Variants in RAB27B observed in about 807,000 individuals in gnomAD.
RAB27B encodes the protein RAB27B, member RAS oncogene family, also known as ras-related protein Rab-27B.
In RAB27B, 15 loss-of-function variants were observed where a neutral mutation model predicts 24.6. That is an observed-to-expected ratio of 0.61 (90% CI 0.41 to 0.94). RAB27B has a LOEUF of 0.94. Ranked by LOEUF, RAB27B falls within the 40% of genes least tolerant of loss-of-function variation. RAB27B has a pLI of 0.00. For synonymous variants in RAB27B, 105 were observed against 92.5 expected, an observed-to-expected ratio of 1.14 and a Z score of -0.78; for missense variants, 261 against 266.8, an observed-to-expected ratio of 0.98 and a Z score of 0.15.
chr18:54,790,607 AAAC>A (rs1909218787), intron 2 of RAB27B, among the ~76,000 whole-genome samples: 1 of 45,198 alleles, frequency 2.2e-5, no homozygotes, highest in African/African-American at 4.6e-5. Context: ...AATTTTCAAT[AAAC>A]AAAAATATTT....
At chr18:54,762,716 A>G (rs540707689) in intron 2 of RAB27B, among the ~76,000 whole-genome samples, 26 of 151,848 alleles carry the variant, frequency 1.7e-4, no homozygotes, top group Non-Finnish European at 3.2e-4. Flanking sequence ...AAAATCACAT[A>G]CCTTCCTCCT....
intron 2 of RAB27B, among the ~76,000 whole-genome samples, chr18:54,810,870 A>G (rs1909940790): frequency 6.6e-6 from 1 of 150,910 alleles, no homozygotes. Flanking sequence ...ATAAATAAAT[A>G]AATAAATAAA....
At chr18:54,839,402 C>A (rs1598947302) in intron 1 of RAB27B, among the ~76,000 whole-genome samples, 2 of 152,124 alleles carry the variant, frequency 1.3e-5, no homozygotes, top group African/African-American at 4.8e-5. Flanking sequence ...TAAATAAACA[C>A]AGCATGGAAA....
intron 2 of RAB27B, among the ~76,000 whole-genome samples, chr18:54,777,916 T>C (rs1449437257): frequency 6.6e-6 from 1 of 152,076 alleles, no homozygotes; most frequent in African/African-American, 2.4e-5. Context: ...AATTTAGCTC[T>C]TACTTTCACT....
chr18:54,880,926 C>T (rs924519282), intron 3 of RAB27B: 2 of 152,000 alleles, frequency 1.3e-5, no homozygotes, highest in African/African-American at 4.8e-5. Flanking sequence ...ACAAGATAAA[C>T]AATGCCTCAC....
chr18:54,818,702 A>G (rs1230198568), intron 2 of RAB27B, among the ~76,000 whole-genome samples: 1 of 152,172 alleles, frequency 6.6e-6, no homozygotes, highest in Non-Finnish European at 1.5e-5. Flanking sequence ...TGCATCTGAG[A>G]AAGCCCCACA....
intron 1 of RAB27B, among the ~76,000 whole-genome samples, chr18:54,860,164 C>A (rs1250976348): frequency 6.6e-6 from 1 of 152,102 alleles, no homozygotes; most frequent in Non-Finnish European, 1.5e-5. Flanking sequence ...CTCTTCAAGG[C>A]AGGGAGCCAG....
chr18:54,817,266 A>G (rs1910150602), intron 2 of RAB27B, among the ~76,000 whole-genome samples: 1 of 152,178 alleles, frequency 6.6e-6, no homozygotes, highest in African/African-American at 2.4e-5. Flanking sequence ...AAAGCCTTCT[A>G]TTTTGAACAT....
At chr18:54,751,070 C>T (rs1335521193) in intron 2 of RAB27B, among the ~76,000 whole-genome samples, 4 of 152,136 alleles carry the variant, frequency 2.6e-5, no homozygotes, top group African/African-American at 7.2e-5. Context: ...ATCCTGCCCT[C>T]GAGAGACACT....
chr18:54,857,387 T>A (rs1398425352), intron 1 of RAB27B, among the ~76,000 whole-genome samples: 2 of 152,212 alleles, frequency 1.3e-5, no homozygotes, highest in Admixed American at 1.3e-4. Context: ...CCTTTAGAGG[T>A]ACAGTAGCTT....
chr18:54,874,233 G>A (rs777646740), intron 1 of RAB27B, among the ~76,000 whole-genome samples: 1 of 152,080 alleles, frequency 6.6e-6, no homozygotes, highest in Admixed American at 6.6e-5. Context: ...TCCCCTCCAC[G>A]CTATAAGGTT....
At chr18:54,812,572 C>G (rs1284949647) in intron 2 of RAB27B, among the ~76,000 whole-genome samples, 2 of 150,884 alleles carry the variant, frequency 1.3e-5, no homozygotes, top group African/African-American at 4.9e-5. Context: ...CACACACACA[C>G]ACACACACAC....
Position 54,873,238 on chromosome 18 carries a change from A to G in RAB27B, c.-19-4329A>G, listed in dbSNP as rs548522588. On this transcript the variant is annotated intron_variant, in intron 1 of 5. Transcript: ENST00000262094. Reference sequence around the variant, plus strand: ...TTCCTTTTTACCTTTACGACTCTTCATTAAACAGAGCCTCATGGGTGTGAT... The same window carrying G: ...TTCCTTTTTACCTTTACGACTCTTCGTTAAACAGAGCCTCATGGGTGTGAT... Among the ~76,000 whole-genome samples the G allele has an allele frequency of 3.9e-5, 6 of 152,320 alleles. No homozygotes were observed. The East Asian group carries it at 1.2e-3, about 29-fold the overall frequency.
intron 1 of RAB27B, among the ~76,000 whole-genome samples, chr18:54,872,936 C>T (rs535441456): frequency 6.6e-6 from 1 of 152,244 alleles, no homozygotes; most frequent in African/African-American, 2.4e-5. Context: ...AGTTTCTGTG[C>T]TAATGGAACT....
chr18:54,827,138 C>T (rs1274735447), upstream of RAB27B, among the ~76,000 whole-genome samples: 1 of 152,130 alleles, frequency 6.6e-6, no homozygotes, highest in Non-Finnish European at 1.5e-5. Flanking sequence ...ATATAGATTC[C>T]AAGCATACAT....
chr18:54,856,867 A>G (rs969745595), intron 1 of RAB27B, among the ~76,000 whole-genome samples: 1 of 152,256 alleles, frequency 6.6e-6, no homozygotes, highest in South Asian at 2.1e-4. Flanking sequence ...TTCGTAAAAG[A>G]AACTATGCTA....
rs77077095 is a variant in RAB27B, at chr18:54,740,297, C to T, written c.-20+22156C>T. On this transcript the variant is annotated intron_variant, in intron 2 of 4. Coordinates refer to the RAB27B transcript ENST00000586570. Reference sequence around the variant, plus strand: ...GAAACAATTCTCAGACATTGTCCTCCTAACCCCTTAGATGTCTAAATAGAA... The same window carrying T: ...GAAACAATTCTCAGACATTGTCCTCTTAACCCCTTAGATGTCTAAATAGAA... 9.1e-4 allele frequency among the ~76,000 whole-genome samples: 139 copies of T among 152,310 alleles called. 2 individuals are homozygous for T. In the East Asian group the frequency reaches 0.025, roughly 28 times the overall value.
intron 2 of RAB27B, among the ~76,000 whole-genome samples, chr18:54,754,659 G>C (rs1240918043): frequency 6.6e-6 from 1 of 152,146 alleles, no homozygotes; most frequent in African/African-American, 2.4e-5. Context: ...CTATGTGTAG[G>C]TGGGCTGACA....
intron 2 of RAB27B, among the ~76,000 whole-genome samples, chr18:54,767,226 A>G (rs1908391021): frequency 6.6e-6 from 1 of 152,166 alleles, no homozygotes; most frequent in Admixed American, 6.6e-5. Flanking sequence ...GTTTGCTCTA[A>G]TACTCCTAAA....
Sources: allele counts gnomAD v4.1 joint callset (sites outside exome capture counted in the v4.1 genomes callset), GRCh38; gene constraint gnomAD v4.1.1; transcripts MANE v1.5; gene names NCBI Gene and HGNC (gene_info 2026-07-23, HGNC 2026-07-21).